The following PDE4D variants were observed in gnomAD, a reference collection of about 807,000 sequenced individuals.
PDE4D encodes the protein phosphodiesterase 4D, also known as 3',5'-cyclic-AMP phosphodiesterase 4D.
A neutral mutation model predicts 87.4 loss-of-function variants in PDE4D; 24 were observed. The ratio of observed to expected loss-of-function variants is 0.27; its 90% CI spans 0.20 to 0.39. The LOEUF (loss-of-function observed/expected upper bound fraction) is 0.39, where lower values mean the gene tolerates loss of function less well. Ranked by LOEUF, PDE4D falls within the 10% of genes least tolerant of loss-of-function variation. The probability of loss-of-function intolerance (pLI) is 1.00; values close to 1 mark genes in which losing one functional copy is unlikely to be tolerated. For synonymous variants in PDE4D, 384 were observed against 383.2 expected (o/e 1.00, Z -0.02); for missense variants, 714 against 1,041.0 (o/e 0.69, Z 4.32).
chr5:60,106,711 A>G (rs1170507347), intron 2 of PDE4D, among the ~76,000 whole-genome samples: 2 of 152,226 alleles, frequency 1.3e-5, no homozygotes, highest in Non-Finnish European at 2.9e-5. Flanking sequence ...AACTCATTCA[A>G]AACCACTCAA....
chr5:59,709,043 G>A (rs906052041), intron 1 of PDE4D, among the ~76,000 whole-genome samples: 2 of 151,776 alleles, frequency 1.3e-5, no homozygotes, highest in Admixed American at 6.6e-5. Context: ...CTTAAAAAGT[G>A]CTTTAAAGAT....
intron 1 of PDE4D, among the ~76,000 whole-genome samples, chr5:60,291,273 A>G (rs1752871070): frequency 6.6e-6 from 1 of 152,212 alleles, no homozygotes; most frequent in Non-Finnish European, 1.5e-5. Context: ...AAGCAAGGAT[A>G]TTCCAAAAAT....
chr5:59,411,330 T>C (rs1237387909), intron 1 of PDE4D, among the ~76,000 whole-genome samples: 5 of 152,228 alleles, frequency 3.3e-5, no homozygotes, highest in East Asian at 1.9e-4. Context: ...CACCCTTTAT[T>C]ACTGACACTT....
chr5:60,114,460 T>C (rs561987255), intron 2 of PDE4D, among the ~76,000 whole-genome samples: 2 of 152,274 alleles, frequency 1.3e-5, no homozygotes, highest in South Asian at 2.1e-4. Flanking sequence ...TCAATTTACT[T>C]GACCCTGCAG....
chr5:59,077,183 G>C (rs1048406758), intron 5 of PDE4D, among the ~76,000 whole-genome samples: 3 of 152,010 alleles, frequency 2.0e-5, no homozygotes, highest in Non-Finnish European at 4.4e-5. Flanking sequence ...TATTAAAAAG[G>C]CATTATACTC....
At chr5:60,220,602 A>G (rs1331911011) in intron 1 of PDE4D, among the ~76,000 whole-genome samples, 1 of 152,114 alleles carries the variant, frequency 6.6e-6, no homozygotes, top group East Asian at 1.9e-4. Context: ...AAGCTTTTAT[A>G]CTAAATGACT....
intron 2 of PDE4D, among the ~76,000 whole-genome samples, chr5:60,148,276 A>G (rs2149435727): frequency 6.6e-6 from 1 of 152,306 alleles, no homozygotes; most frequent in African/African-American, 2.4e-5. Flanking sequence ...CCTCTATATT[A>G]GTAGGTTCTT....
intron 1 of PDE4D, among the ~76,000 whole-genome samples, chr5:59,487,379 T>C (rs1582827623): frequency 6.6e-6 from 1 of 152,278 alleles, no homozygotes; most frequent in South Asian, 2.1e-4. Flanking sequence ...TTTGAGGTTT[T>C]TTTCGTGTTC....
intron 2 of PDE4D, among the ~76,000 whole-genome samples, chr5:60,169,024 G>GT: frequency 6.6e-6 from 1 of 152,144 alleles, no homozygotes; most frequent in East Asian, 1.9e-4. Flanking sequence ...TTTGTTTATT[G>GT]TATTTTTTAA....
intron 1 of PDE4D, among the ~76,000 whole-genome samples, chr5:60,370,076 G>A (rs1760892976): frequency 6.6e-6 from 1 of 152,038 alleles, no homozygotes; most frequent in African/African-American, 2.4e-5. Context: ...TTATCACAGA[G>A]AGAAAACCTA....
chr5:59,745,773 T>C (rs769137409), intron 1 of PDE4D, among the ~76,000 whole-genome samples: 1 of 151,604 alleles, frequency 6.6e-6, no homozygotes, highest in African/African-American at 2.4e-5. Flanking sequence ...AAGAAAAAAA[T>C]GTTTGCACAT....
At chr5:60,392,955 C>T (rs1297529561) in intron 1 of PDE4D, among the ~76,000 whole-genome samples, 5 of 152,182 alleles carry the variant, frequency 3.3e-5, no homozygotes, top group East Asian at 1.9e-4. Context: ...CACATTTAAA[C>T]GGGTTCTTCC....
chr5:59,247,216 T>C (rs1375828937), intron 1 of PDE4D, among the ~76,000 whole-genome samples: 1 of 152,176 alleles, frequency 6.6e-6, no homozygotes, highest in Non-Finnish European at 1.5e-5. Context: ...TTCCATGGCC[T>C]AGCTAACTGA....
At chr5:59,133,643 G>GCATA (rs1776597713) in intron 5 of PDE4D, among the ~76,000 whole-genome samples, 1 of 152,106 alleles carries the variant, frequency 6.6e-6, no homozygotes, top group African/African-American at 2.4e-5. Context: ...TACCCCTTGG[G>GCATA]CATAAGCCAC....
chr5:60,205,996 A>G (rs1203201079), intron 1 of PDE4D, among the ~76,000 whole-genome samples: 1 of 152,222 alleles, frequency 6.6e-6, no homozygotes, highest in Non-Finnish European at 1.5e-5. Flanking sequence ...AACTAATGTC[A>G]TTAAGTGAGG....
chr5:59,927,082 C>CT, intron 3 of PDE4D, among the ~76,000 whole-genome samples: 1 of 152,240 alleles, frequency 6.6e-6, no homozygotes, highest in South Asian at 2.1e-4. Flanking sequence ...AACACATGAA[C>CT]TAAAGGAAGA....
At chr5:60,452,798 A>G (rs948395834) in intron 1 of PDE4D, among the ~76,000 whole-genome samples, 4 of 152,148 alleles carry the variant, frequency 2.6e-5, no homozygotes, top group African/African-American at 9.6e-5. Flanking sequence ...CTGAAGGAAG[A>G]AAAAACAAAA....
chr5:60,003,707 TAAA>T (rs35100447), intron 2 of PDE4D, among the ~76,000 whole-genome samples: 5 of 104,286 alleles, frequency 4.8e-5, no homozygotes, highest in Non-Finnish European at 5.9e-5. Context: ...AGACTCCATC[TAAA>T]AAAAAAAAAA....
chr5:59,185,697 G>A (rs1742747127), intron 3 of PDE4D, among the ~76,000 whole-genome samples: 1 of 152,218 alleles, frequency 6.6e-6, no homozygotes, highest in African/African-American at 2.4e-5. Flanking sequence ...AAGTTGGCAA[G>A]TGAAGTGAAT....
Sources: allele counts gnomAD v4.1 joint callset (sites outside exome capture counted in the v4.1 genomes callset), GRCh38; gene constraint gnomAD v4.1.1; transcripts MANE v1.5; gene names NCBI Gene and HGNC (gene_info 2026-07-23, HGNC 2026-07-21).